The following WWOX variants were observed in gnomAD, a reference collection of about 807,000 sequenced individuals.
The protein encoded by WWOX is WW domain containing oxidoreductase, also known as WW domain-containing oxidoreductase.
Under a neutral mutation model 46.2 loss-of-function variants are expected in WWOX, and 69 were observed. The ratio of observed to expected loss-of-function variants is 1.49; its 90% CI spans 1.23 to 1.82. WWOX has a LOEUF of 1.82. Ranked by LOEUF, WWOX falls within the 40% of genes most tolerant of loss-of-function variation. WWOX has a pLI of 0.00. For synonymous variants in WWOX, 359 were observed against 202.6 expected, an observed-to-expected ratio of 1.77 and a Z score of -6.56; for missense variants, 919 against 542.6, an observed-to-expected ratio of 1.69 and a Z score of -6.89.
chr16:78,709,527 CTCTTCTCTTCA>C (rs1445785915), intron 8 of WWOX, among the ~76,000 whole-genome samples: 1 of 152,100 alleles, frequency 6.6e-6, no homozygotes, highest in African/African-American at 2.4e-5. Flanking sequence ...GACGGTGTGC[CTCTTCTCTTCA>C]TTAGAACATC....
intron 8 of WWOX, among the ~76,000 whole-genome samples, chr16:79,155,843 A>G (rs73582714): frequency 0.016 from 2,411 of 151,958 alleles, 67 homozygotes; most frequent in African/African-American, 0.055. Flanking sequence ...TCAGGTTTAT[A>G]GAGGACTAAT....
At chr16:79,056,565 G>A (rs1489882101) in intron 8 of WWOX, among the ~76,000 whole-genome samples, 1 of 152,100 alleles carries the variant, frequency 6.6e-6, no homozygotes, top group African/African-American at 2.4e-5. Context: ...TTTTTGTTGG[G>A]ATCTGCCCTG....
chr16:78,791,706 C>T (rs1375889353), intron 8 of WWOX, among the ~76,000 whole-genome samples: 9 of 151,992 alleles, frequency 5.9e-5, no homozygotes, highest in East Asian at 1.9e-4. Flanking sequence ...GATGAAACCC[C>T]GTCTCTACTA....
At chr16:78,469,024 A>G (rs1238052745) in intron 8 of WWOX, among the ~76,000 whole-genome samples, 5 of 152,160 alleles carry the variant, frequency 3.3e-5, no homozygotes, top group Non-Finnish European at 5.9e-5. Flanking sequence ...CTCAAAAGAC[A>G]GATGGATGGA....
chr16:78,637,594 A>G (rs2046605035), intron 8 of WWOX, among the ~76,000 whole-genome samples: 3 of 152,022 alleles, frequency 2.0e-5, no homozygotes, highest in African/African-American at 7.2e-5. Flanking sequence ...CCCTTTCCTT[A>G]CTCACTGACA....
intron 8 of WWOX, among the ~76,000 whole-genome samples, chr16:79,156,371 A>G (rs888557623): frequency 3.3e-5 from 5 of 152,238 alleles, no homozygotes; most frequent in African/African-American, 1.2e-4. Context: ...ATGCTGCTCA[A>G]GCTATTCTCG....
chr16:78,348,832 G>C (rs1201007186), intron 5 of WWOX, among the ~76,000 whole-genome samples: 2 of 120,470 alleles, frequency 1.7e-5, no homozygotes, highest in African/African-American at 2.8e-5. Context: ...AGAAATATAA[G>C]AGAAAGAAAG....
chr16:78,377,602 T>A (rs2081860905), intron 5 of WWOX, among the ~76,000 whole-genome samples: 1 of 152,208 alleles, frequency 6.6e-6, no homozygotes, highest in Non-Finnish European at 1.5e-5. Flanking sequence ...GCCAACCTCC[T>A]GTGTCATTCA....
At chr16:78,728,041 T>C (rs2048876898) in intron 8 of WWOX, among the ~76,000 whole-genome samples, 1 of 106,260 alleles carries the variant, frequency 9.4e-6, no homozygotes, top group African/African-American at 3.7e-5. Context: ...TCCTCTTTCC[T>C]CTCTCCCTCC....
At chr16:78,719,572 T>A (rs1056218493) in intron 8 of WWOX, among the ~76,000 whole-genome samples, 6 of 152,208 alleles carry the variant, frequency 3.9e-5, no homozygotes, top group African/African-American at 1.4e-4. Flanking sequence ...ACTTTAAGGT[T>A]ACCTTAAAAG....
In WWOX at chr16:78,361,109, C is replaced by T. The variant is rs558034148; in HGVS notation, c.517-25751C>T. The stretch of plus-strand genomic sequence containing the variant: ...AAGTGCTGGGATTACAGGCATGAGC[C>T]ACTGCACCTGGCTTGGAGCATTCAG... On this transcript the variant is annotated intron_variant, in intron 5 of 8. Transcript: ENST00000566780. Among the ~76,000 whole-genome samples the T allele has an allele frequency of 1.4e-4, 22 of 152,208 alleles. No individual in the cohort carries two copies. The South Asian group carries it at 4.6e-3, about 32-fold the overall frequency.
chr16:78,810,248 A>T (rs1418581153), intron 8 of WWOX, among the ~76,000 whole-genome samples: 2 of 152,240 alleles, frequency 1.3e-5, no homozygotes, highest in Admixed American at 6.5e-5. Flanking sequence ...ACACAGTCTT[A>T]TTCTCAGCTG....
chr16:78,144,340 T>A (rs1171793070), intron 4 of WWOX, among the ~76,000 whole-genome samples: 1 of 148,100 alleles, frequency 6.8e-6, no homozygotes, highest in Non-Finnish European at 1.5e-5. Context: ...ATGGAGAGCC[T>A]TTTAGCTAAT....
chr16:78,418,688 G>A (rs977006817), intron 6 of WWOX, among the ~76,000 whole-genome samples: 1 of 152,166 alleles, frequency 6.6e-6, no homozygotes, highest in Admixed American at 6.5e-5. Flanking sequence ...CATAATAGTA[G>A]AATAAAAGAT....
At chr16:78,594,802 G>A (rs1190269894) in intron 8 of WWOX, among the ~76,000 whole-genome samples, 2 of 152,068 alleles carry the variant, frequency 1.3e-5, no homozygotes, top group Non-Finnish European at 2.9e-5. Flanking sequence ...TATAGCCTCA[G>A]TCTCTCGGGA....
intron 8 of WWOX, among the ~76,000 whole-genome samples, chr16:78,957,301 A>G (rs2046187159): frequency 1.3e-5 from 2 of 152,246 alleles, no homozygotes; most frequent in Non-Finnish European, 2.9e-5. Context: ...TTATCTGAGA[A>G]AACTTAGCAT....
intron 8 of WWOX, among the ~76,000 whole-genome samples, chr16:78,928,418 G>A (rs922963083): frequency 2.6e-5 from 4 of 151,868 alleles, no homozygotes; most frequent in Non-Finnish European, 5.9e-5. Flanking sequence ...TAGCCAGGAT[G>A]GTCTCGATCT....
At chr16:78,890,762 A>T (rs946849097) in intron 8 of WWOX, 1 of 152,186 alleles carries the variant, frequency 6.6e-6, no homozygotes, top group Non-Finnish European at 1.5e-5. Context: ...TTTTTATCTA[A>T]ATGCCAGCCT....
At chr16:79,060,293 C>T (rs545446349) in intron 8 of WWOX, among the ~76,000 whole-genome samples, 111 of 152,288 alleles carry the variant, frequency 7.3e-4, no homozygotes, top group Non-Finnish European at 1.3e-3. Context: ...GCTGTTGTGC[C>T]GGCCACACTG....
Sources: allele counts gnomAD v4.1 joint callset (sites outside exome capture counted in the v4.1 genomes callset), GRCh38; gene constraint gnomAD v4.1.1; transcripts MANE v1.5; gene names NCBI Gene and HGNC (gene_info 2026-07-23, HGNC 2026-07-21).